The following COL6A2 variants were observed in gnomAD, a reference collection of about 807,000 sequenced individuals.
The protein encoded by COL6A2 is collagen type VI alpha 2 chain, also known as collagen alpha-2(VI) chain.
COL6A2 carries 90 observed loss-of-function variants against 124.9 expected under a neutral mutation model. That is an observed-to-expected ratio of 0.72 (90% CI 0.61 to 0.86). The LOEUF (loss-of-function observed/expected upper bound fraction) is 0.86, where lower values mean the gene tolerates loss of function less well. Among genes scored for constraint, COL6A2 ranks in the 40% least tolerant of loss-of-function variants. The pLI is 0.00. For missense variants in COL6A2, 1,607 were observed against 1,502.5 expected (o/e 1.07, Z -1.15); for synonymous variants, 793 against 618.2 (o/e 1.28, Z -4.19).
intron 27 of COL6A2, chr21:46,128,857 T>C: frequency 6.5e-7 from 1 of 1,530,288 alleles, no homozygotes; most frequent in Non-Finnish European, 9.1e-7. Flanking sequence ...GCGACGGGCC[T>C]GCGGCACTGG....
chr21:46,125,176 G>A (rs2078641230), intron 23 of COL6A2, 90 bp from the exon 24 acceptor site: 2 of 1,314,562 alleles, frequency 1.5e-6, no homozygotes, highest in South Asian at 2.5e-5. Flanking sequence ...ACGTGGGCTG[G>A]AATGTCCCGG....
At chr21:46,110,280 C>G (rs1397302663) in intron 1 of COL6A2, among the ~76,000 whole-genome samples, 1 of 152,128 alleles carries the variant, frequency 6.6e-6, no homozygotes, top group East Asian at 1.9e-4. Flanking sequence ...ACCAGATGGG[C>G]TGCCGCTGCC....
Position 46,122,897 on chromosome 21 carries a change from T to G in COL6A2, c.1631T>G (p.Leu544Trp), listed in dbSNP as rs1295555900. Residue 544 changes from leucine to tryptophan, a missense_variant, in exon 21 of 28, where the codon TTG (leucine) becomes TGG (tryptophan). This residue lies in a region of COL6A2 where 1,223 missense variants were observed against 1,052.2 expected (regional missense o/e 1.16). Transcript: ENST00000300527. ...CAGGGAGGCCGAGGCGACTTTGGCT[T>G]GAAAGGAGAACCTGGGAGGAAAGGA... Reference protein sequence around the residue: ...GPEGGRGDFGLKGEPGRKGEK... With the variant: ...GPEGGRGDFGWKGEPGRKGEK... The G allele has an allele frequency of 6.2e-7, 1 of 1,613,322 alleles. No individual in the cohort carries two copies. Among genetic ancestry groups the G allele is most frequent in the South Asian group, 1.1e-5 (1 of 91,082 alleles).
At chr21:46,109,404 C>T (rs1448341578) in intron 1 of COL6A2, among the ~76,000 whole-genome samples, 1 of 152,198 alleles carries the variant, frequency 6.6e-6, no homozygotes, top group African/African-American at 2.4e-5. Flanking sequence ...CAGAAGAAAG[C>T]ACCTTGAGTT....
At chr21:46,114,504 G>T (rs1340557962) in intron 5 of COL6A2, among the ~76,000 whole-genome samples, 1 of 151,884 alleles carries the variant, frequency 6.6e-6, no homozygotes, top group Admixed American at 6.6e-5. Flanking sequence ...TGTCCCTGGA[G>T]AAACTAAAAC....
rs574236482 is a variant in COL6A2, at chr21:46,119,060, A to C, written c.1210A>C (p.Ser404Arg). Reference protein sequence around the residue: ...GYQGNSGAPGSPGVKGAKGGP... With the variant: ...GYQGNSGAPGRPGVKGAKGGP... ...TCAAGGCAACAGTGGAGCCCCAGGA[A>C]GTCCTGGTGTGAAAGGAGCCAAGGG... The change falls in exon 14 of 28, where the codon AGT (serine) becomes CGT (arginine). Residue 404 changes from serine to arginine, a missense_variant. Ser to Arg is a moderately radical substitution (Grantham distance 110). Around this residue, in one of 3 missense-constraint regions of COL6A2, gnomAD observed 1,223 missense variants for 1,052.2 expected, o/e 1.16. Transcript: ENST00000300527. 1 of 1,612,156 alleles carries C rather than the reference A, an allele frequency of 6.2e-7. No homozygotes were observed. Among genetic ancestry groups the C allele is most frequent in the South Asian group, 1.1e-5 (1 of 91,056 alleles).
intron 17 of COL6A2, 38 bp downstream of exon 17, chr21:46,121,161 C>A: frequency 1.3e-6 from 2 of 1,595,280 alleles, no homozygotes; most frequent in Non-Finnish European, 1.7e-6. Flanking sequence ...CCTCTGACCC[C>A]ACGGGTGGGT....
At chr21:46,117,986 G>GA in intron 12 of COL6A2, 50 bp downstream of exon 12, 2 of 1,566,868 alleles carry the variant, frequency 1.3e-6, no homozygotes, top group South Asian at 1.1e-5. Context: ...CAGCTTCCAG[G>GA]GGCCTCCTGG....
Position 46,125,624 on chromosome 21 carries a change from G to A in COL6A2, c.1969+7G>A, listed in dbSNP as rs775376034. 29 of 1,612,256 alleles carry A rather than the reference G, an allele frequency of 1.8e-5. No individual in the cohort carries two copies. The highest frequency in any genetic ancestry group is 1.6e-4 in the East Asian group (7 of 44,860). On this transcript the variant is annotated splice_region_variant and intron_variant, in intron 25 of 27. Transcript: ENST00000300527. Reference sequence around the variant, plus strand: ...GACCCCAAGTCCGAGACAGGTCAGCGGGGCAGGGGCGGGTGCAGCATTGCG... The same window carrying A: ...GACCCCAAGTCCGAGACAGGTCAGCAGGGCAGGGGCGGGTGCAGCATTGCG...
At chr21:46,126,757 C>G (rs2078676589) in intron 27 of COL6A2, among the ~76,000 whole-genome samples, 2 of 152,170 alleles carry the variant, frequency 1.3e-5, no homozygotes, top group Non-Finnish European at 2.9e-5. Context: ...GGAACAGCAT[C>G]ACGAGGCCAT....
rs781544781 is a variant in COL6A2, at chr21:46,132,454, C to T, written c.2962C>T (p.Leu988Phe). The change falls in exon 28 of 28, where the codon CTC becomes TTC. Residue 988 changes from leucine (L) to phenylalanine (F), a missense_variant. Physicochemically the swap from Leu to Phe is conservative, Grantham distance 22 (BLOSUM62 0). Around this residue, in one of 3 missense-constraint regions of COL6A2, gnomAD observed 1,223 missense variants for 1,052.2 expected, o/e 1.16. Transcript: ENST00000300527. ...SDVDMDVLTT[L>F]SLGDRAAVFH... ...CGTGGACATGGACGTGCTCACCACGCTCAGCCTGGGTGACCGCGCCGCCGT... is the reference window on the plus strand; with the variant it reads ...CGTGGACATGGACGTGCTCACCACGTTCAGCCTGGGTGACCGCGCCGCCGT... 3 of 1,606,494 alleles carry T rather than the reference C, an allele frequency of 1.9e-6. No individual in the cohort carries two copies. In the South Asian group the frequency reaches 3.3e-5, roughly 18 times the overall value.
chr21:46,114,102 T>G, intron 5 of COL6A2, 29 bp downstream of exon 5: 1 of 1,586,942 alleles, frequency 6.3e-7, no homozygotes, highest in Non-Finnish European at 8.7e-7. Context: ...CTGCAGGGTC[T>G]GCGCTACCAG....
chr21:46,117,326 CTG>C (rs758987743), intron 10 of COL6A2, 72 bp from the exon 11 acceptor site: 22 of 1,455,388 alleles, frequency 1.5e-5, no homozygotes, highest in East Asian at 2.3e-5. Context: ...ACCGGGTGGG[CTG>C]TGTCTTGGTC....
chr21:46,122,818 G>C, intron 20 of COL6A2, 57 bp from the exon 21 acceptor site: 3 of 1,499,638 alleles, frequency 2.0e-6, no homozygotes, highest in Non-Finnish European at 2.8e-6. Context: ...AATCTCACTG[G>C]TGTCCCTGGT....
intron 27 of COL6A2, chr21:46,129,632 G>T: frequency 7.0e-7 from 1 of 1,428,198 alleles, no homozygotes; most frequent in South Asian, 1.5e-5. Flanking sequence ...AGGGGCTCTG[G>T]GGCAGCTCCC....
chr21:46,132,173 T>G lies in COL6A2; in HGVS notation c.2681T>G (p.Leu894Arg). 1 of 1,572,156 alleles carries G rather than the reference T, an allele frequency of 6.4e-7. No individual in the cohort carries two copies. Among genetic ancestry groups the G allele is most frequent in the African/African-American group, 1.4e-5 (1 of 73,886 alleles). ...GPGEQQVAFP[L>R]SHNLTAIHEA... ...GGCGAGCAGCAGGTGGCCTTCCCGC[T>G]GAGCCACAACCTCACGGCCATCCAC... is the stretch of plus-strand genomic sequence containing the variant. The change falls in exon 28 of 28, where the codon CTG becomes CGG. Residue 894 changes from leucine (L) to arginine (R), a missense_variant. By Grantham distance (102) the Leu-to-Arg change is moderately radical. Coordinates refer to ENST00000300527, the MANE Select transcript of COL6A2 (RefSeq NM_001849.4).
rs373325570 is a variant in COL6A2, at chr21:46,121,549, C to G, written c.1459-7C>G. The G allele has an allele frequency of 4.3e-5, 69 of 1,612,672 alleles. No individual in the cohort carries two copies. Among genetic ancestry groups the G allele is most frequent in the Non-Finnish European group, 5.6e-5 (66 of 1,179,928 alleles). On this transcript the variant is annotated splice_polypyrimidine_tract_variant and splice_region_variant and intron_variant, in intron 17 of 27. Coordinates refer to ENST00000300527, the MANE Select transcript of COL6A2 (RefSeq NM_001849.4). The stretch of plus-strand genomic sequence containing the variant: ...TGCTGACTTCTGAATTTCTCTCCTG[C>G]CCTCAGGGATCTCGGGGAGACCCCG...
rs201283829 is a variant in COL6A2 at position 46,116,627 on chromosome 21, T to C, written c.928-24T>C. On this transcript the variant is annotated intron_variant, in intron 8 of 27. Transcript: ENST00000300527. The surrounding 1 kb of genome is among the most constrained non-coding windows in gnomAD (Gnocchi z 4.6). ...TGATGCTTTGAGGCACCGAGCTCAC[T>C]GCGCCGGCTTTCCTCCTACACAGGG... 2.0e-5 allele frequency: 32 copies of C among 1,612,910 alleles called. No homozygotes were observed. In the Admixed American group the frequency reaches 5.0e-4, roughly 25 times the overall value.
Position 46,106,159 on chromosome 21 carries a change from A to T in COL6A2, c.-27-5291A>T, listed in dbSNP as rs118183068. 3.6e-3 allele frequency among the ~76,000 whole-genome samples: 550 copies of T among 152,368 alleles called. 1 individual carries two copies. The highest frequency in any genetic ancestry group is 6.8e-3 in the Non-Finnish European group (463 of 68,046). ...AAAGAAGGACATCATATATTAATAA[A>T]AGGCTCAATACAGCAAGATATAATA... On this transcript the variant is annotated intron_variant, in intron 1 of 27. Coordinates refer to ENST00000300527, the MANE Select transcript of COL6A2 (RefSeq NM_001849.4).
Sources: gnomAD v4.1 joint callset for allele counts (sites outside exome capture counted in the v4.1 genomes callset) on GRCh38, gnomAD v4.1.1 for gene constraint, gnomAD v4.1.1 regional missense constraint, Gnocchi (gnomAD v3.1) non-coding constraint, MANE v1.5 for transcripts, NCBI Gene and HGNC (gene_info 2026-07-23, HGNC 2026-07-21) for gene names.